Variants in CBLN2 observed in about 807,000 individuals in gnomAD.
CBLN2 encodes the protein cerebellin 2 precursor, also known as cerebellin-2.
Under a neutral mutation model 15.0 loss-of-function variants are expected in CBLN2, and 7 were observed. That is an observed-to-expected ratio of 0.47 (90% CI 0.27 to 0.88). CBLN2 has a LOEUF of 0.88. Ranked by LOEUF, CBLN2 falls within the 40% of genes least tolerant of loss-of-function variation. The pLI is 0.14. For synonymous variants in CBLN2, 149 were observed against 135.2 expected (o/e 1.10, Z -0.71); for missense variants, 242 against 304.5 (o/e 0.79, Z 1.53).
intron 1 of CBLN2, among the ~76,000 whole-genome samples, chr18:72,566,612 T>C (rs2069296819): frequency 6.6e-6 from 1 of 152,074 alleles, no homozygotes; most frequent in Non-Finnish European, 1.5e-5. Context: ...GTCGATCTCA[T>C]AGAATTCAAT....
At chr18:72,545,620 G>C (rs2069152356), upstream of CBLN2, among the ~76,000 whole-genome samples, 1 of 152,160 alleles carries the variant, frequency 6.6e-6, no homozygotes, top group African/African-American at 2.4e-5. Flanking sequence ...CCATGTGATA[G>C]TGTCTTACTG....
intron 3 of CBLN2, 148 bp downstream of exon 3, chr18:72,541,656 T>G (rs1451896395): frequency 9.8e-6 from 6 of 611,466 alleles, no homozygotes; most frequent in Admixed American, 3.5e-5. Context: ...GTGCGTTCTA[T>G]GAAACGGGAG....
chr18:72,592,882 G>T (rs1031811488), intron 1 of CBLN2, among the ~76,000 whole-genome samples: 1 of 152,006 alleles, frequency 6.6e-6, no homozygotes, highest in Non-Finnish European at 1.5e-5. Context: ...TGTTGTTTTG[G>T]TTACAATAGC....
chr18:72,598,982 C>G (rs1051202491), intron 1 of CBLN2, among the ~76,000 whole-genome samples: 4 of 152,304 alleles, frequency 2.6e-5, no homozygotes, highest in Middle Eastern at 6.8e-3. Flanking sequence ...GTCTTTAGTG[C>G]CTGGTTCCTT....
rs1438336832 is a variant in CBLN2 at position 72,604,841 on chromosome 18, A to C, written c.15+33484T>G. 4.6e-5 allele frequency among the ~76,000 whole-genome samples: 7 copies of C among 152,226 alleles called. No individual in the cohort carries two copies. In the East Asian group the frequency reaches 1.3e-3, roughly 29 times the overall value. On this transcript the variant is annotated intron_variant, in intron 1 of 2. Transcript: ENST00000581073. ...ACAGCCTCCATAACTATAAGAAATAAATCCTTGTAAATTACCTATGTTGTA... is the reference window on the plus strand; with the variant it reads ...ACAGCCTCCATAACTATAAGAAATACATCCTTGTAAATTACCTATGTTGTA...
At chr18:72,588,049 A>G (rs898251316) in intron 1 of CBLN2, among the ~76,000 whole-genome samples, 1 of 152,200 alleles carries the variant, frequency 6.6e-6, no homozygotes, top group African/African-American at 2.4e-5. Flanking sequence ...ATAAATCGCT[A>G]TTATGTAAGT....
intron 1 of CBLN2, among the ~76,000 whole-genome samples, chr18:72,578,461 C>A (rs2069382344): frequency 6.6e-6 from 1 of 152,038 alleles, no homozygotes; most frequent in East Asian, 1.9e-4. Flanking sequence ...AGGAAAAAAA[C>A]AAGGATGAGA....
chr18:72,631,833 C>T (rs2069778908), intron 1 of CBLN2, among the ~76,000 whole-genome samples: 1 of 152,104 alleles, frequency 6.6e-6, no homozygotes. Context: ...CAAATTTAGG[C>T]ACTACACAAT....
At chr18:72,579,378 AAAGT>A (rs2069388425) in intron 1 of CBLN2, among the ~76,000 whole-genome samples, 1 of 152,170 alleles carries the variant, frequency 6.6e-6, no homozygotes, top group Non-Finnish European at 1.5e-5. Flanking sequence ...TTACTAAATC[AAAGT>A]AAGAGGTCTA....
chr18:72,550,978 G>A lies in CBLN2; in HGVS notation c.16-12206C>T, dbSNP rs551080188. Among the ~76,000 whole-genome samples the A allele has an allele frequency of 5.9e-5, 9 of 152,094 alleles. No individual in the cohort carries two copies. The East Asian group carries it at 1.2e-3, about 20-fold the overall frequency. Reference sequence around the variant, plus strand: ...GTGCCTATATTGTGTCCTGTATGCCGATGGGTAATGCAGGGCACAGTGTAA... The same window carrying A: ...GTGCCTATATTGTGTCCTGTATGCCAATGGGTAATGCAGGGCACAGTGTAA... On this transcript the variant is annotated intron_variant, in intron 1 of 2. Transcript: ENST00000581073.
chr18:72,598,604 G>A (rs1568127797), intron 1 of CBLN2, among the ~76,000 whole-genome samples: 1 of 152,202 alleles, frequency 6.6e-6, no homozygotes, highest in African/African-American at 2.4e-5. Context: ...CTGGCTTTGA[G>A]CCCAGTTCAG....
chr18:72,594,708 A>G (rs936509698), intron 1 of CBLN2, among the ~76,000 whole-genome samples: 7 of 151,844 alleles, frequency 4.6e-5, no homozygotes, highest in Non-Finnish European at 7.4e-5. Context: ...TGATCACATT[A>G]CTTGTTGTTT....
At chr18:72,569,555 G>A (rs1024777861) in intron 1 of CBLN2, among the ~76,000 whole-genome samples, 19 of 152,094 alleles carry the variant, frequency 1.2e-4, no homozygotes, top group Admixed American at 1.1e-3. Flanking sequence ...CTCAAGTTTC[G>A]GCAGGCTGTA....
chr18:72,565,754 C>A (rs775439107), intron 1 of CBLN2, among the ~76,000 whole-genome samples: 5 of 152,030 alleles, frequency 3.3e-5, no homozygotes, highest in African/African-American at 1.2e-4. Flanking sequence ...TTGGTCTGAG[C>A]AAAGATTTTT....
intron 1 of CBLN2, among the ~76,000 whole-genome samples, chr18:72,562,505 T>C (rs2069268328): frequency 6.6e-6 from 1 of 152,202 alleles, no homozygotes; most frequent in South Asian, 2.1e-4. Context: ...AGTATATCAT[T>C]TGTCGTACTA....
intron 1 of CBLN2, among the ~76,000 whole-genome samples, chr18:72,563,423 A>C (rs1166797176): frequency 2.6e-5 from 4 of 152,202 alleles, no homozygotes; most frequent in Non-Finnish European, 4.4e-5. Flanking sequence ...GGACATCAAC[A>C]AGATAGCTGA....
intron 1 of CBLN2, among the ~76,000 whole-genome samples, chr18:72,585,136 C>T (rs2069433875): frequency 6.6e-6 from 1 of 152,208 alleles, no homozygotes; most frequent in African/African-American, 2.4e-5. Flanking sequence ...GTGTCACAGC[C>T]CTGGCTCACA....
At chr18:72,603,887 T>C (rs2069565624) in intron 1 of CBLN2, among the ~76,000 whole-genome samples, 1 of 152,124 alleles carries the variant, frequency 6.6e-6, no homozygotes, top group Non-Finnish European at 1.5e-5. Flanking sequence ...GGGAAGAAAA[T>C]GGCCTCTGGA....
At chr18:72,539,282 T>C (rs2069091507) in intron 3 of CBLN2, 1 of 155,404 alleles carries the variant, frequency 6.4e-6, no homozygotes, top group East Asian at 1.9e-4. Flanking sequence ...TTCTGTAAGT[T>C]CAAGCTTGGG....
Sources: allele counts gnomAD v4.1 joint callset (sites outside exome capture counted in the v4.1 genomes callset), GRCh38; gene constraint gnomAD v4.1.1; transcripts MANE v1.5; gene names NCBI Gene and HGNC (gene_info 2026-07-23, HGNC 2026-07-21).